The following C1orf159 variants were observed in gnomAD, a reference collection of about 807,000 sequenced individuals.
C1orf159 encodes the protein uncharacterized protein C1orf159.
Under a neutral mutation model 25.6 loss-of-function variants are expected in C1orf159, and 19 were observed. The observed-to-expected ratio is 0.74, with a 90% CI of 0.52 to 1.09. C1orf159 has a LOEUF of 1.09. Among genes scored for constraint, C1orf159 ranks in the 50% least tolerant of loss-of-function variants. The pLI is 0.00. For missense variants in C1orf159, 274 were observed against 290.6 expected, an observed-to-expected ratio of 0.94 and a Z score of 0.42; for synonymous variants, 139 against 124.7, an observed-to-expected ratio of 1.12 and a Z score of -0.77.
At chr1:1,109,065 G>A (rs1190931869) in intron 1 of C1orf159, among the ~76,000 whole-genome samples, 8 of 141,404 alleles carry the variant, frequency 5.7e-5, no homozygotes, top group South Asian at 4.7e-4. Context: ...ACCATGTCTC[G>A]GCACCGTTCA....
In C1orf159 at chr1:1,110,513, G is replaced by A. The variant is rs939636958; in HGVS notation, c.-136+5547C>T. ...CCTCGGACACTCAGAAAACGTGTGC[G>A]AATGGCAACAGATGAGTGGACAGTG... On this transcript the variant is annotated intron_variant, in intron 1 of 9. Coordinates refer to ENST00000421241, the MANE Select transcript of C1orf159 (RefSeq NM_017891.5). This position sits in a 1 kb window ranked among gnomAD's most constrained non-coding sequence, Gnocchi z 4.8. Among the ~76,000 whole-genome samples, 2 of 151,466 alleles carry A rather than the reference G, an allele frequency of 1.3e-5. No individual in the cohort carries two copies. Among genetic ancestry groups the A allele is most frequent in the Admixed American group, 6.6e-5 (1 of 15,250 alleles).
At chr1:1,113,368 C>T (rs1646287759) in intron 1 of C1orf159, among the ~76,000 whole-genome samples, 1 of 152,188 alleles carries the variant, frequency 6.6e-6, no homozygotes, top group Non-Finnish European at 1.5e-5. Context: ...CTCCACACTC[C>T]ACCTCGGCAC....
intron 1 of C1orf159, chr1:1,105,960 A>G (rs1646165488): frequency 6.6e-6 from 1 of 152,250 alleles, no homozygotes; most frequent in African/African-American, 2.4e-5. Flanking sequence ...GCATACCTAG[A>G]AGTGAAATGC....
chr1:1,115,382 G>A (rs1349636543), intron 1 of C1orf159, among the ~76,000 whole-genome samples: 1 of 152,154 alleles, frequency 6.6e-6, no homozygotes, highest in African/African-American at 2.4e-5. Flanking sequence ...AATCGTGGCC[G>A]ACTTCTAGGA....
intron 1 of C1orf159, among the ~76,000 whole-genome samples, chr1:1,109,355 G>A (rs192133716): frequency 2.0e-4 from 30 of 152,332 alleles, no homozygotes; most frequent in Admixed American, 1.8e-3. Context: ...AGACAACGGT[G>A]GTTGCCAGGG....
At chr1:1,105,705 C>T (rs958425928) in intron 1 of C1orf159, among the ~76,000 whole-genome samples, 2 of 151,524 alleles carry the variant, frequency 1.3e-5, no homozygotes, top group Admixed American at 6.6e-5. Context: ...CATGGTGAAA[C>T]CCTGTCTCTA....
At chr1:1,109,426 TC>T (rs981311111) in intron 1 of C1orf159, among the ~76,000 whole-genome samples, 1 of 152,112 alleles carries the variant, frequency 6.6e-6, no homozygotes, top group Non-Finnish European at 1.5e-5. Flanking sequence ...CTTTCCTTTT[TC>T]CTTTCCTCTT....
intron 1 of C1orf159, among the ~76,000 whole-genome samples, chr1:1,100,227 C>A (rs1646080949): frequency 6.6e-6 from 1 of 151,654 alleles, no homozygotes; most frequent in African/African-American, 2.4e-5. Flanking sequence ...GGGTTTAATT[C>A]ATTAATATTT....
Position 1,087,118 on chromosome 1 carries a change from C to A in C1orf159, c.310+21G>T. On this transcript the variant is annotated intron_variant, in intron 6 of 9. Coordinates refer to ENST00000421241, the MANE Select transcript of C1orf159 (RefSeq NM_017891.5). This position sits in a 1 kb window ranked among gnomAD's most constrained non-coding sequence, Gnocchi z 8.3. ...GCCCCCAGGACACCGGCAGAGGTGG[C>A]TGTGGCCTGCTGAGACTTACCAGGA... is the stretch of plus-strand genomic sequence containing the variant. The A allele has an allele frequency of 6.2e-7, 1 of 1,603,060 alleles. No individual in the cohort carries two copies. The highest frequency in any genetic ancestry group is 8.5e-7 in the Non-Finnish European group (1 of 1,177,718).
intron 4 of C1orf159, among the ~76,000 whole-genome samples, chr1:1,088,680 G>A (rs1645875038): frequency 6.6e-6 from 1 of 152,142 alleles, no homozygotes; most frequent in Admixed American, 6.5e-5. Flanking sequence ...GAGCTGAGTA[G>A]ACACACTCTT....
chr1:1,084,678 C>T (rs911011814), intron 7 of C1orf159, among the ~76,000 whole-genome samples, 172 bp from the exon 8 acceptor site: 4 of 152,106 alleles, frequency 2.6e-5, no homozygotes, highest in Admixed American at 1.3e-4. Context: ...CCTCTCCCTG[C>T]GGTGCATCAG....
intron 1 of C1orf159, among the ~76,000 whole-genome samples, chr1:1,104,163 A>AT (rs1222288373): frequency 6.6e-6 from 1 of 151,580 alleles, no homozygotes; most frequent in East Asian, 1.9e-4. Flanking sequence ...AATTTTTTGT[A>AT]TTTTTAGTAG....
intron 4 of C1orf159, among the ~76,000 whole-genome samples, chr1:1,088,984 G>A (rs770304599): frequency 4.6e-5 from 7 of 152,210 alleles, no homozygotes; most frequent in Non-Finnish European, 1.0e-4. Flanking sequence ...CGACTTCAGC[G>A]AGGCTCTGTC....
intron 1 of C1orf159, among the ~76,000 whole-genome samples, chr1:1,109,929 G>A: frequency 6.6e-6 from 1 of 152,240 alleles, no homozygotes; most frequent in Middle Eastern, 3.2e-3. Flanking sequence ...GTTATGGAAA[G>A]TGACGCTGTA....
chr1:1,108,949 G>A (rs1370300653), intron 1 of C1orf159, among the ~76,000 whole-genome samples: 1 of 88,212 alleles, frequency 1.1e-5, no homozygotes, highest in Admixed American at 1.1e-4. Context: ...CGGCAGCACC[G>A]TTCACCACAG....
At chr1:1,097,680 C>A (rs1646028730) in intron 1 of C1orf159, among the ~76,000 whole-genome samples, 1 of 151,190 alleles carries the variant, frequency 6.6e-6, no homozygotes, top group Non-Finnish European at 1.5e-5. Context: ...ACCTATGCCT[C>A]CCAAAGTGCT....
intron 1 of C1orf159, among the ~76,000 whole-genome samples, chr1:1,112,032 C>T (rs1303242817): frequency 2.6e-5 from 4 of 152,314 alleles, no homozygotes; most frequent in African/African-American, 7.2e-5. Context: ...ACACCGGAGT[C>T]GGGCGGTTGC....
rs907619644 is a variant in C1orf159, at chr1:1,090,350, T to A, written c.148+3A>T. 2 of 1,550,470 alleles carry A rather than the reference T, an allele frequency of 1.3e-6. No individual in the cohort carries two copies. Among genetic ancestry groups the A allele is most frequent in the South Asian group, 1.2e-5 (1 of 84,064 alleles). ...GGAATCTGCTTGGGACAAAGCGGCT[T>A]ACCTGGACCACACAGACTTGCGCCT... is the stretch of plus-strand genomic sequence containing the variant. On this transcript the variant is annotated splice_donor_region_variant and intron_variant, in intron 4 of 9. Coordinates refer to ENST00000421241, the MANE Select transcript of C1orf159 (RefSeq NM_017891.5).
At chr1:1,088,644 T>G (rs1284864330) in intron 4 of C1orf159, among the ~76,000 whole-genome samples, 1 of 151,906 alleles carries the variant, frequency 6.6e-6, no homozygotes, top group Non-Finnish European at 1.5e-5. Flanking sequence ...TCCTTGACTT[T>G]CTAAATATCT....
Sources: gnomAD v4.1 joint callset for allele counts (sites outside exome capture counted in the v4.1 genomes callset) on GRCh38, gnomAD v4.1.1 for gene constraint, Gnocchi (gnomAD v3.1) non-coding constraint, MANE v1.5 for transcripts, NCBI Gene and HGNC (gene_info 2026-07-23, HGNC 2026-07-21) for gene names.